The following PTGER3 variants were observed in gnomAD, a reference collection of about 807,000 sequenced individuals.
PTGER3 encodes prostaglandin E receptor 3.
PTGER3 carries 22 observed loss-of-function variants against 34.7 expected under a neutral mutation model. The observed-to-expected ratio is 0.63, with a 90% CI of 0.45 to 0.91. The LOEUF is 0.91. PTGER3 is among the 40% of genes least tolerant of loss of function. PTGER3 has a pLI of 0.00. For synonymous variants in PTGER3, 241 were observed against 230.1 expected, an observed-to-expected ratio of 1.05 and a Z score of -0.43; for missense variants, 468 against 519.4, an observed-to-expected ratio of 0.90 and a Z score of 0.96.
At chr1:70,965,629 T>C (rs897007509) in intron 2 of PTGER3, among the ~76,000 whole-genome samples, 4 of 152,190 alleles carry the variant, frequency 2.6e-5, no homozygotes, top group Non-Finnish European at 5.9e-5. Context: ...ACCTATGTCT[T>C]ATTCTTTACC....
intron 3 of PTGER3, among the ~76,000 whole-genome samples, chr1:70,973,158 T>C (rs1030565920): frequency 6.9e-6 from 1 of 145,876 alleles, no homozygotes; most frequent in African/African-American, 2.5e-5. Context: ...GTGTGTGTTA[T>C]AGACATAGAT....
chr1:70,934,091 C>A (rs548834885), intron 4 of PTGER3, among the ~76,000 whole-genome samples: 1 of 152,102 alleles, frequency 6.6e-6, no homozygotes, highest in Non-Finnish European at 1.5e-5. Context: ...TATATGCCAG[C>A]CTTGTGCTAA....
chr1:70,996,307 A>AC (rs1372373402), intron 2 of PTGER3, among the ~76,000 whole-genome samples: 2 of 152,138 alleles, frequency 1.3e-5, no homozygotes, highest in African/African-American at 4.8e-5. Flanking sequence ...CTAAAAAAAA[A>AC]ATACCCATTC....
At chr1:70,954,668 T>C (rs1216378178) in intron 2 of PTGER3, among the ~76,000 whole-genome samples, 1 of 152,166 alleles carries the variant, frequency 6.6e-6, no homozygotes, top group Non-Finnish European at 1.5e-5. Flanking sequence ...ATATCCTTTT[T>C]TCCCCTTTCA....
chr1:70,956,863 C>T (rs895729258), intron 2 of PTGER3, among the ~76,000 whole-genome samples: 1 of 152,104 alleles, frequency 6.6e-6, no homozygotes, highest in Non-Finnish European at 1.5e-5. Context: ...GGTGAGGTGG[C>T]CCATGCCTGT....
chr1:71,027,219 A>G (rs1659006381), intron 1 of PTGER3, among the ~76,000 whole-genome samples: 1 of 129,460 alleles, frequency 7.7e-6, no homozygotes, highest in Non-Finnish European at 1.7e-5. Flanking sequence ...GCTGGAGTGC[A>G]GTAATGCCAT....
intron 4 of PTGER3, among the ~76,000 whole-genome samples, chr1:70,898,386 T>G (rs1280732642): frequency 6.6e-6 from 1 of 152,188 alleles, no homozygotes; most frequent in African/African-American, 2.4e-5. Flanking sequence ...ACATCACTCC[T>G]TCTTCCTAAA....
chr1:71,030,676 C>G (rs1659332025), intron 1 of PTGER3, among the ~76,000 whole-genome samples: 1 of 152,130 alleles, frequency 6.6e-6, no homozygotes, highest in Non-Finnish European at 1.5e-5. Context: ...TAACAAGTTA[C>G]TGTCAGACAA....
intron 4 of PTGER3, among the ~76,000 whole-genome samples, chr1:70,909,927 A>G (rs971838002): frequency 1.3e-5 from 2 of 152,222 alleles, no homozygotes; most frequent in East Asian, 3.8e-4. Context: ...CTTACCCACT[A>G]TGGGTTCAAT....
chr1:70,874,919 A>T (rs1646242825), intron 4 of PTGER3, among the ~76,000 whole-genome samples: 1 of 152,192 alleles, frequency 6.6e-6, no homozygotes, highest in African/African-American at 2.4e-5. Context: ...ATTCTAAATC[A>T]TACAGAGTGA....
chr1:70,902,466 C>G (rs1177089482), intron 4 of PTGER3, among the ~76,000 whole-genome samples: 1 of 152,162 alleles, frequency 6.6e-6, no homozygotes, highest in Non-Finnish European at 1.5e-5. Flanking sequence ...AAAAACAACA[C>G]TCAGTTTCAT....
At chr1:70,863,116 G>C (rs1557611514) in intron 4 of PTGER3, among the ~76,000 whole-genome samples, 2 of 151,924 alleles carry the variant, frequency 1.3e-5, no homozygotes, top group Non-Finnish European at 2.9e-5. Context: ...CATAACATGA[G>C]CTACAGTTGC....
intron 4 of PTGER3, among the ~76,000 whole-genome samples, chr1:70,921,150 T>G (rs1647481244): frequency 6.6e-6 from 1 of 152,188 alleles, no homozygotes; most frequent in Non-Finnish European, 1.5e-5. Context: ...TTGTACATAC[T>G]ATTCTGAGTA....
At chr1:70,902,066 C>T (rs116720788) in intron 4 of PTGER3, among the ~76,000 whole-genome samples, 2,273 of 151,300 alleles carry the variant, frequency 0.015, 64 homozygotes, top group African/African-American at 0.052. Context: ...ACTCTCCACC[C>T]GAAAAAAATA....
intron 4 of PTGER3, among the ~76,000 whole-genome samples, chr1:70,855,942 A>G (rs1645792470): frequency 6.6e-6 from 1 of 152,124 alleles, no homozygotes; most frequent in African/African-American, 2.4e-5. Flanking sequence ...GGGCTTTTAG[A>G]GTTTCCAGAA....
At chr1:71,041,498 T>C (rs1660310297) in intron 1 of PTGER3, among the ~76,000 whole-genome samples, 1 of 152,236 alleles carries the variant, frequency 6.6e-6, no homozygotes. Flanking sequence ...CTGTCTTTAC[T>C]ATGTTTACAG....
At chr1:71,040,834 G>A (rs926013200) in intron 1 of PTGER3, among the ~76,000 whole-genome samples, 3 of 152,122 alleles carry the variant, frequency 2.0e-5, no homozygotes, top group South Asian at 4.1e-4. Context: ...ACCCAATCAC[G>A]GCCTAGAGAG....
intron 4 of PTGER3, among the ~76,000 whole-genome samples, chr1:70,937,577 G>T (rs13374231): frequency 6.6e-6 from 1 of 151,966 alleles, no homozygotes; most frequent in Non-Finnish European, 1.5e-5. Context: ...CTGAGAATTT[G>T]GAATTTGGAT....
chr1:71,036,999 G>A (rs201476551), intron 1 of PTGER3, among the ~76,000 whole-genome samples: 1,188 of 5,628 alleles, frequency 0.21, 21 homozygotes, highest in African/African-American at 0.27. Context: ...GTTTGTGCTC[G>A]GAGAATTGCA....
Sources: gnomAD v4.1 joint callset for allele counts (sites outside exome capture counted in the v4.1 genomes callset) on GRCh38, gnomAD v4.1.1 for gene constraint, MANE v1.5 for transcripts, NCBI Gene and HGNC (gene_info 2026-07-23, HGNC 2026-07-21) for gene names.